ATG7: variants seen among roughly 807,000 people sequenced by gnomAD.
The protein encoded by ATG7 is autophagy related 7.
Under a neutral mutation model 82.4 loss-of-function variants are expected in ATG7, and 70 were observed. That is an observed-to-expected ratio of 0.85 (90% CI 0.70 to 1.04). The LOEUF is 1.04. Ranked by LOEUF, ATG7 falls within the 50% of genes least tolerant of loss-of-function variation. The pLI is 0.00. For synonymous variants in ATG7, 287 were observed against 313.0 expected (o/e 0.92, Z 0.88); for missense variants, 792 against 864.3 (o/e 0.92, Z 1.05).
intron 19 of ATG7, among the ~76,000 whole-genome samples, chr3:11,384,720 G>A (rs932983078): frequency 6.6e-6 from 1 of 152,148 alleles, no homozygotes; most frequent in Admixed American, 6.6e-5. Context: ...AGCACTTTGT[G>A]GGGGCTGAGG....
At chr3:11,406,411 T>A (rs1410811250) in intron 19 of ATG7, among the ~76,000 whole-genome samples, 2 of 152,106 alleles carry the variant, frequency 1.3e-5, no homozygotes, top group African/African-American at 4.8e-5. Flanking sequence ...TAAGTGATTC[T>A]CCTGCCTCAG....
At chr3:11,341,752 C>G (rs558381905) in intron 12 of ATG7, among the ~76,000 whole-genome samples, 1 of 152,110 alleles carries the variant, frequency 6.6e-6, no homozygotes, top group Admixed American at 6.5e-5. Context: ...CTGGCCTGAG[C>G]GCAGGAGATA....
intron 19 of ATG7, among the ~76,000 whole-genome samples, chr3:11,417,800 A>ATT (rs1314378737): frequency 3.0e-4 from 33 of 109,348 alleles, no homozygotes; most frequent in African/African-American, 8.1e-4. Flanking sequence ...TATTATTATT[A>ATT]TTTTATTTTA....
chr3:11,412,899 T>C (rs1021122495), intron 19 of ATG7, among the ~76,000 whole-genome samples: 1 of 152,182 alleles, frequency 6.6e-6, no homozygotes, highest in African/African-American at 2.4e-5. Flanking sequence ...TAATTTTTAT[T>C]GTATAAGTCT....
intron 20 of ATG7, among the ~76,000 whole-genome samples, chr3:11,456,593 T>C (rs1220317419): frequency 6.6e-6 from 1 of 152,210 alleles, no homozygotes; most frequent in Non-Finnish European, 1.5e-5. Context: ...GGTGTTTCGC[T>C]TAACACTAAT....
At chr3:11,305,002 T>C (rs945125698) in intron 5 of ATG7, among the ~76,000 whole-genome samples, 2 of 152,010 alleles carry the variant, frequency 1.3e-5, no homozygotes, top group Non-Finnish European at 2.9e-5. Context: ...TTACTCTCCA[T>C]CCCCCCTCCT....
At chr3:11,341,566 G>A (rs1953631956) in intron 12 of ATG7, among the ~76,000 whole-genome samples, 1 of 151,806 alleles carries the variant, frequency 6.6e-6, no homozygotes, top group African/African-American at 2.4e-5. Flanking sequence ...TCCTGCCTCA[G>A]CCTCCTGAGT....
At chr3:11,349,578 T>C (rs974131360) in intron 14 of ATG7, among the ~76,000 whole-genome samples, 2 of 152,164 alleles carry the variant, frequency 1.3e-5, no homozygotes, top group Admixed American at 1.3e-4. Context: ...ATCTCACATA[T>C]TCTTGTGAAA....
At chr3:11,330,717 G>A (rs1375392926) in intron 9 of ATG7, among the ~76,000 whole-genome samples, 3 of 152,132 alleles carry the variant, frequency 2.0e-5, no homozygotes, top group African/African-American at 7.2e-5. Flanking sequence ...TTATATACAA[G>A]GTTCAAAGAG....
intron 20 of ATG7, among the ~76,000 whole-genome samples, chr3:11,547,342 G>A (rs2071382493): frequency 6.6e-6 from 1 of 152,182 alleles, no homozygotes; most frequent in Admixed American, 6.5e-5. Context: ...GGAGGCAGGG[G>A]TTTGAGTGAC....
At chr3:11,377,858 A>G (rs1282222938) in intron 18 of ATG7, among the ~76,000 whole-genome samples, 6 of 151,926 alleles carry the variant, frequency 3.9e-5, no homozygotes, top group African/African-American at 1.5e-4. Context: ...CTTTTCTGCT[A>G]TTTTGATGTC....
rs535844768 is a variant in ATG7 at position 11,407,822 on chromosome 3, G to A, written c.1957-18982G>A. The stretch of plus-strand genomic sequence containing the variant: ...GCACCAAGTCCTTAGGCTGTACACA[G>A]CACAGGGACCCTGGGCTCAGCCCTT... On this transcript the variant is annotated intron_variant, in intron 19 of 20. Transcript: ENST00000693202. Among the ~76,000 whole-genome samples the A allele has an allele frequency of 2.6e-5, 4 of 152,308 alleles. No individual in the cohort carries two copies. In the East Asian group the frequency reaches 7.7e-4, roughly 29 times the overall value.
rs1206356332 is a variant in ATG7, at chr3:11,556,145, TTTC to T, written c.*1309_*1311del. ...AAAGATGGCCTGCCAAACCTTTTTT[TTTC>T]TTCTTCCAGGAAAAACAGGCCACAG... On this transcript the variant is annotated 3_prime_UTR_variant, in exon 21 of 21. Coordinates refer to ENST00000693202, the MANE Select transcript of ATG7 (RefSeq NM_001349232.2). 2 of 152,822 alleles carry T rather than the reference TTTC, an allele frequency of 1.3e-5. No homozygotes were observed. The highest frequency in any genetic ancestry group is 2.1e-4 in the South Asian group (1 of 4,822). The allele number at this position is 152,822 out of a possible 1,614,324, so 9.5% of individuals were successfully genotyped here.
intron 3 of ATG7, among the ~76,000 whole-genome samples, chr3:11,288,493 TC>T (rs1386891883): frequency 1.3e-5 from 2 of 152,232 alleles, no homozygotes; most frequent in African/African-American, 4.8e-5. Flanking sequence ...TTTATCTCTC[TC>T]TTTGTCTTCT....
intron 20 of ATG7, among the ~76,000 whole-genome samples, chr3:11,490,076 G>T (rs1475624217): frequency 6.6e-6 from 1 of 152,046 alleles, no homozygotes; most frequent in Non-Finnish European, 1.5e-5. Flanking sequence ...TGACAGTGGG[G>T]TGTTAAAGTC....
intron 3 of ATG7, among the ~76,000 whole-genome samples, chr3:11,285,619 C>T (rs937378295): frequency 2.0e-5 from 3 of 152,162 alleles, no homozygotes; most frequent in African/African-American, 7.2e-5. Flanking sequence ...GAGCCTTCCT[C>T]GTGGCCTTCT....
chr3:11,381,765 T>G (rs1478473318), intron 19 of ATG7, among the ~76,000 whole-genome samples: 1 of 152,218 alleles, frequency 6.6e-6, no homozygotes, highest in African/African-American at 2.4e-5. Context: ...GCGGTCACTT[T>G]TCATGTGGTC....
chr3:11,301,334 C>T (rs1397719022), intron 5 of ATG7, among the ~76,000 whole-genome samples: 4 of 152,150 alleles, frequency 2.6e-5, no homozygotes, highest in African/African-American at 9.7e-5. Flanking sequence ...TATTGTACCT[C>T]AGCAGTATCA....
intron 19 of ATG7, among the ~76,000 whole-genome samples, chr3:11,415,282 T>TTGTAGGG (rs1422641169): frequency 2.6e-5 from 4 of 152,184 alleles, no homozygotes; most frequent in African/African-American, 9.7e-5. Context: ...TGGAAGTTGC[T>TTGTAGGG]CTGGGTGAGT....
Sources: gnomAD v4.1 joint callset for allele counts (sites outside exome capture counted in the v4.1 genomes callset) on GRCh38, gnomAD v4.1.1 for gene constraint, MANE v1.5 for transcripts, NCBI Gene and HGNC (gene_info 2026-07-23, HGNC 2026-07-21) for gene names.